The following SLC7A7 variants were observed in gnomAD, a reference collection of about 807,000 sequenced individuals.
The protein encoded by SLC7A7 is solute carrier family 7 member 7, also known as Y+L amino acid transporter 1.
In SLC7A7, 39 loss-of-function variants were observed where a neutral mutation model predicts 47.9. That is an observed-to-expected ratio of 0.81 (90% CI 0.63 to 1.06). The LOEUF is 1.06. Among genes scored for constraint, SLC7A7 ranks in the 50% least tolerant of loss-of-function variants. The probability of loss-of-function intolerance (pLI) is 0.00; values close to 1 mark genes in which losing one functional copy is unlikely to be tolerated. For synonymous variants in SLC7A7, 234 were observed against 242.8 expected (o/e 0.96, Z 0.34); for missense variants, 588 against 632.0 (o/e 0.93, Z 0.75).
chr14:22,776,669 CA>C (rs1389906784), intron 4 of SLC7A7, among the ~76,000 whole-genome samples: 2 of 151,816 alleles, frequency 1.3e-5, no homozygotes, highest in Admixed American at 6.6e-5. Context: ...CCTGTCTCTA[CA>C]AAAAACTAGC....
At position 22,790,453 on chromosome 14, in the gene SLC7A7, C is replaced by T. The variant is rs193285046; in HGVS notation, c.500-10402G>A. 1.5e-3 allele frequency among the ~76,000 whole-genome samples: 224 copies of T among 152,006 alleles called. 1 individual carries two copies. The highest frequency in any genetic ancestry group is 5.0e-3 in the African/African-American group (207 of 41,454). On this transcript the variant is annotated intron_variant, in intron 2 of 9. Transcript: ENST00000674313. The stretch of plus-strand genomic sequence containing the variant: ...AGGGGAAGTGAAACCCTTGACAGCT[C>T]ACTGGATCTTGGTGTACTGAAATTT...
At chr14:22,789,787 G>C (rs1269943845) in intron 2 of SLC7A7, among the ~76,000 whole-genome samples, 2 of 152,096 alleles carry the variant, frequency 1.3e-5, no homozygotes, top group Non-Finnish European at 2.9e-5. Flanking sequence ...TGTCAGAGTA[G>C]TACAATATGA....
At position 22,812,883 on chromosome 14, in the gene SLC7A7, AC is replaced by A. The variant is rs746896833; in HGVS notation, c.499+16del. 2 of 1,610,418 alleles carry A rather than the reference AC, an allele frequency of 1.2e-6. No homozygotes were observed. Among genetic ancestry groups the A allele is most frequent in the Non-Finnish European group, 1.7e-6 (2 of 1,179,382 alleles). On this transcript the variant is annotated intron_variant, in intron 2 of 9. Transcript: ENST00000674313. ...TCCAGCCCTCCACCCACCACCTCCTACCCCAGCCCCACTTACAAATGCAGGC... is the reference window on the plus strand; with the variant it reads ...TCCAGCCCTCCACCCACCACCTCCTACCCAGCCCCACTTACAAATGCAGGC...
chr14:22,791,100 C>T (rs2038917050), intron 2 of SLC7A7, among the ~76,000 whole-genome samples: 1 of 152,106 alleles, frequency 6.6e-6, no homozygotes, highest in African/African-American at 2.4e-5. Flanking sequence ...CCCATTTTCT[C>T]CAAATGCGTT....
Position 22,783,389 on chromosome 14 carries a change from A to G in SLC7A7, c.500-3338T>C, listed in dbSNP as rs1466178561. ...GTGGCTTGTTTACATTTTAATCCCTATTGCTTCTCTACTTCTTTTTTTTTT... is the reference window on the plus strand; with the variant it reads ...GTGGCTTGTTTACATTTTAATCCCTGTTGCTTCTCTACTTCTTTTTTTTTT... On this transcript the variant is annotated intron_variant, in intron 2 of 9. Coordinates refer to ENST00000674313, the MANE Select transcript of SLC7A7 (RefSeq NM_003982.4). 2.1e-5 allele frequency among the ~76,000 whole-genome samples: 3 copies of G among 145,728 alleles called. No individual in the cohort carries two copies. In the Admixed American group the frequency reaches 2.1e-4, roughly 10 times the overall value.
intron 2 of SLC7A7, among the ~76,000 whole-genome samples, chr14:22,792,095 A>G (rs2038934305): frequency 1.3e-5 from 2 of 151,388 alleles, no homozygotes; most frequent in African/African-American, 4.8e-5. Flanking sequence ...TTGGCCTCCC[A>G]AAGTGCTGGG....
chr14:22,787,158 G>A (rs556604877), intron 2 of SLC7A7, among the ~76,000 whole-genome samples: 13 of 152,204 alleles, frequency 8.5e-5, no homozygotes, highest in African/African-American at 2.4e-4. Flanking sequence ...GACTAGGGCC[G>A]GGCGCAGTGG....
chr14:22,817,095 C>A (rs1336876350), upstream of SLC7A7, among the ~76,000 whole-genome samples: 1 of 151,302 alleles, frequency 6.6e-6, no homozygotes, highest in Non-Finnish European at 1.5e-5. Context: ...CTCCCCATCC[C>A]CCTGGCCTGC....
chr14:22,778,683 G>A, intron 4 of SLC7A7, 110 bp downstream of exon 4: 3 of 1,188,834 alleles, frequency 2.5e-6, no homozygotes, highest in Non-Finnish European at 3.6e-6. Flanking sequence ...ATTAAAATGA[G>A]GCTGGTAAAA....
Position 22,775,463 on chromosome 14 carries a change from A to G in SLC7A7, c.1076T>C (p.Val359Ala), listed in dbSNP as rs1283340652. The G allele has an allele frequency of 6.2e-7, 1 of 1,613,964 alleles. No homozygotes were observed. The change falls in exon 7 of 10, where the codon GTG becomes GCG. Residue 359 changes from valine (V) to alanine (A), a missense_variant. By Grantham distance (64) the Val-to-Ala change is moderately conservative. Coordinates refer to ENST00000674313, the MANE Select transcript of SLC7A7 (RefSeq NM_003982.4). ...CMIHVERFTPVPSLLFNGIMA... is the reference protein window; with the variant it reads ...CMIHVERFTPAPSLLFNGIMA... ...ACTTACATTGAAGAGCAGAGAAGGC[A>G]CTGGTGTGAACCGCTCAACATGGAT...
At chr14:22,775,806 AC>A (rs748294661) in intron 6 of SLC7A7, 26 bp downstream of exon 6, 159 of 1,503,576 alleles carry the variant, frequency 1.1e-4, no homozygotes, top group Non-Finnish European at 1.4e-4. Flanking sequence ...TTGATGATAC[AC>A]CCCTCACAAA....
chr14:22,805,230 G>A (rs971487127), intron 2 of SLC7A7, among the ~76,000 whole-genome samples: 5 of 152,158 alleles, frequency 3.3e-5, no homozygotes, highest in African/African-American at 1.2e-4. Flanking sequence ...GCCAGGTGTG[G>A]TGGTGGGCTC....
At chr14:22,788,513 G>T (rs941647029) in intron 2 of SLC7A7, among the ~76,000 whole-genome samples, 1 of 151,366 alleles carries the variant, frequency 6.6e-6, no homozygotes, top group South Asian at 2.1e-4. Context: ...GATCAGCCTG[G>T]CCAACATGGT....
upstream of SLC7A7, chr14:22,815,653 C>G (rs2138670406): frequency 2.2e-6 from 1 of 454,042 alleles, no homozygotes; most frequent in East Asian, 7.0e-5. Flanking sequence ...TTTGTCAGCT[C>G]TGCTCTGGGA....
intron 2 of SLC7A7, among the ~76,000 whole-genome samples, chr14:22,789,445 C>T (rs1011742566): frequency 1.3e-5 from 2 of 151,968 alleles, no homozygotes; most frequent in African/African-American, 2.4e-5. Flanking sequence ...CTAACCAACA[C>T]GGTGAAACCC....
chr14:22,794,619 G>T (rs1012389213), intron 2 of SLC7A7, among the ~76,000 whole-genome samples: 4 of 152,170 alleles, frequency 2.6e-5, no homozygotes, highest in Non-Finnish European at 4.4e-5. Flanking sequence ...ACCTGAGACA[G>T]TTTCGCAGGC....
At chr14:22,795,396 TTCTTTCTTTCTTTCTTTC>T (rs1470785340) in intron 2 of SLC7A7, among the ~76,000 whole-genome samples, 16 of 69,386 alleles carry the variant, frequency 2.3e-4, no homozygotes, top group African/African-American at 4.4e-4. Context: ...CTTTCTTTCT[TTCTTTCTTTCTTTCTTTC>T]TTTCTTTCTT....
rs1253377292 is a variant in SLC7A7 at position 22,813,091 on chromosome 14, C to T, written c.308G>A (p.Ser103Asn). ...AAAGGCCTCCAGGATATAGGCATAG[C>T]TGGCCCCAGATTTCTTAATGGTGGT... is the stretch of plus-strand genomic sequence containing the variant. ...LGTTIKKSGASYAYILEAFGG... is the reference protein window; with the variant it reads ...LGTTIKKSGANYAYILEAFGG... Residue 103 changes from serine (S) to asparagine (N), a missense_variant, in exon 2 of 10, where the codon AGC (serine) becomes AAC (asparagine). Physicochemically the swap from Ser to Asn is conservative, Grantham distance 46. Transcript: ENST00000674313. 4 of 1,614,082 alleles carry T rather than the reference C, an allele frequency of 2.5e-6. No homozygotes were observed. The African/African-American group carries it at 5.3e-5, about 22-fold the overall frequency.
chr14:22,802,699 C>G (rs2039136829), intron 2 of SLC7A7, among the ~76,000 whole-genome samples: 2 of 152,178 alleles, frequency 1.3e-5, no homozygotes, highest in Admixed American at 1.3e-4. Context: ...TGGATTGCTA[C>G]AAGAGCTTCC....
Sources: allele counts gnomAD v4.1 joint callset (sites outside exome capture counted in the v4.1 genomes callset), GRCh38; gene constraint gnomAD v4.1.1; transcripts MANE v1.5; gene names NCBI Gene and HGNC (gene_info 2026-07-23, HGNC 2026-07-21).